The following KIF4A variants were observed in gnomAD, a reference collection of about 807,000 sequenced individuals.
KIF4A encodes chromosome-associated kinesin KIF4A.
A neutral mutation model predicts 105.9 loss-of-function variants in KIF4A; 7 were observed. That is an observed-to-expected ratio of 0.07 (90% CI 0.04 to 0.12). The LOEUF is 0.12. Among genes scored for constraint, KIF4A ranks in the 10% least tolerant of loss-of-function variants. The probability of loss-of-function intolerance (pLI) is 1.00; values close to 1 mark genes in which losing one functional copy is unlikely to be tolerated. For missense variants in KIF4A, 558 were observed against 929.2 expected (o/e 0.60, Z 5.19); for synonymous variants, 281 against 331.3 (o/e 0.85, Z 1.65).
intron 20 of KIF4A, among the ~76,000 whole-genome samples, chrX:70,394,984 A>T (rs2086253743): frequency 8.9e-6 from 1 of 112,589 alleles, no homozygotes; most frequent in Non-Finnish European, 1.9e-5. Context: ...GGTGGCTCAC[A>T]CCTGTAATCC....
chrX:70,296,112 G>T (rs1279209065), intron 3 of KIF4A, among the ~76,000 whole-genome samples: 3 of 86,324 alleles, frequency 3.5e-5, no homozygotes, highest in African/African-American at 4.4e-5. Flanking sequence ...TTGAGACAGG[G>T]TCTGCTCTGT....
intron 15 of KIF4A, among the ~76,000 whole-genome samples, chrX:70,371,342 C>T (rs1301695202): frequency 9.1e-6 from 1 of 109,658 alleles, no homozygotes; most frequent in Non-Finnish European, 1.9e-5. Flanking sequence ...TTTCTTAGTA[C>T]AGAACAAAAT....
rs770472140 is a variant in KIF4A, at chrX:70,327,769, G to A, written c.779-1636G>A. 2.7e-5 allele frequency among the ~76,000 whole-genome samples: 3 copies of A among 112,166 alleles called. No homozygotes were observed. In the East Asian group the frequency reaches 8.4e-4, roughly 31 times the overall value. On this transcript the variant is annotated intron_variant, in intron 7 of 30. Transcript: ENST00000374403. Reference sequence around the variant, plus strand: ...AGCATGTTTATAGTGGATCTCATCTGTTTGGTTATGCTGTTTCTTCAGTAT... The same window carrying A: ...AGCATGTTTATAGTGGATCTCATCTATTTGGTTATGCTGTTTCTTCAGTAT...
At chrX:70,392,281 C>T (rs1249294253) in intron 20 of KIF4A, among the ~76,000 whole-genome samples, 1 of 111,834 alleles carries the variant, frequency 8.9e-6, no homozygotes, top group Non-Finnish European at 1.9e-5. Flanking sequence ...GGAAAGCCAT[C>T]TGTGGCTGGA....
intron 18 of KIF4A, among the ~76,000 whole-genome samples, chrX:70,384,375 TAGG>T (rs1219255640): frequency 1.8e-5 from 2 of 111,721 alleles, no homozygotes; most frequent in Non-Finnish European, 3.8e-5. Flanking sequence ...AAGTTGGTTT[TAGG>T]AGAATAATCT....
chrX:70,326,893 GAAGA>G (rs1360827371), intron 7 of KIF4A, among the ~76,000 whole-genome samples: 1 of 111,752 alleles, frequency 8.9e-6, no homozygotes, highest in Non-Finnish European at 1.9e-5. Context: ...ATTTGAAGAA[GAAGA>G]AAAAAAATGC....
chrX:70,404,671 C>CA, intron 24 of KIF4A, 44 bp from the exon 25 acceptor site: 1 of 1,003,164 alleles, frequency 1.0e-6, no homozygotes, highest in Non-Finnish European at 1.4e-6. Context: ...TCTTTTTCCC[C>CA]TTGGTACCTT....
intron 18 of KIF4A, 135 bp from the exon 19 acceptor site, chrX:70,386,483 T>G (rs902642252): frequency 2.2e-6 from 1 of 463,920 alleles, no homozygotes; most frequent in Non-Finnish European, 3.7e-6. Flanking sequence ...TTTTGACTCA[T>G]ATGAGAAGAT....
rs2085953469 is a variant in KIF4A, at chrX:70,337,135, T to C, written c.1133+3446T>C. On this transcript the variant is annotated intron_variant, in intron 10 of 30. Coordinates refer to ENST00000374403, the MANE Select transcript of KIF4A (RefSeq NM_012310.5). ...TGTATTTTGTGTATCCATTCATCCA[T>C]TGATGGACACTTGGACTGCTTCCAT... 2.7e-5 allele frequency among the ~76,000 whole-genome samples: 3 copies of C among 112,200 alleles called. No individual in the cohort carries two copies. The South Asian group carries it at 1.1e-3, about 42-fold the overall frequency.
chrX:70,297,716 T>G (rs1602737629), intron 4 of KIF4A, among the ~76,000 whole-genome samples: 1 of 111,747 alleles, frequency 8.9e-6, no homozygotes, highest in African/African-American at 3.3e-5. Context: ...TTATGGGAGT[T>G]TGTGTTCTAG....
intron 15 of KIF4A, among the ~76,000 whole-genome samples, chrX:70,370,945 A>AG (rs2086129249): frequency 9.2e-6 from 1 of 108,483 alleles, no homozygotes; most frequent in Admixed American, 9.9e-5. Flanking sequence ...CAAAAAAAAA[A>AG]AAAAAAAAGC....
At chrX:70,319,844 T>C (rs991772969) in intron 7 of KIF4A, among the ~76,000 whole-genome samples, 1 of 111,895 alleles carries the variant, frequency 8.9e-6, no homozygotes, top group Non-Finnish European at 1.9e-5. Flanking sequence ...TTCTTTAATA[T>C]TGATTTTGTA....
chrX:70,390,936 C>T (rs1252216739), intron 20 of KIF4A, among the ~76,000 whole-genome samples: 1 of 111,863 alleles, frequency 8.9e-6, no homozygotes, highest in Non-Finnish European at 1.9e-5. Flanking sequence ...CTGTAGTTTG[C>T]GTGTTTTTGT....
At chrX:70,342,754 G>A (rs1461195967) in intron 11 of KIF4A, among the ~76,000 whole-genome samples, 1 of 112,004 alleles carries the variant, frequency 8.9e-6, no homozygotes, top group East Asian at 2.8e-4. Flanking sequence ...GGATATAGGG[G>A]ATTTTTATAT....
chrX:70,316,279 G>A lies in KIF4A; in HGVS notation c.779-13126G>A, dbSNP rs186557348. Among the ~76,000 whole-genome samples the A allele has an allele frequency of 4.5e-5, 5 of 111,711 alleles. No individual in the cohort carries two copies. The East Asian group carries it at 1.1e-3, about 25-fold the overall frequency. The stretch of plus-strand genomic sequence containing the variant: ...GTCACTTTCATTTCTGTAGTTATTA[G>A]TGAAGTTGAACATACTTTTATATTT... On this transcript the variant is annotated intron_variant, in intron 7 of 30. Coordinates refer to ENST00000374403, the MANE Select transcript of KIF4A (RefSeq NM_012310.5).
At chrX:70,408,034 C>T (rs2086307308) in intron 28 of KIF4A, among the ~76,000 whole-genome samples, 1 of 108,676 alleles carries the variant, frequency 9.2e-6, no homozygotes, top group Non-Finnish European at 1.9e-5. Context: ...TGCCGTTGCA[C>T]TCCAGCCTGG....
intron 15 of KIF4A, chrX:70,362,335 G>A: frequency 3.3e-6 from 1 of 305,097 alleles, no homozygotes; most frequent in South Asian, 3.8e-5. Context: ...ATGTAGAGAG[G>A]GTAATTCTCC....
intron 7 of KIF4A, among the ~76,000 whole-genome samples, chrX:70,315,184 C>A (rs1234215498): frequency 2.7e-5 from 3 of 111,554 alleles, no homozygotes; most frequent in Non-Finnish European, 3.8e-5. Flanking sequence ...TCTGTTCTAA[C>A]AGGTTTTGTT....
At chrX:70,372,526 G>C (rs750404139) in intron 15 of KIF4A, among the ~76,000 whole-genome samples, 91 of 114,381 alleles carry the variant, frequency 8.0e-4, no homozygotes, top group African/African-American at 2.9e-3. Flanking sequence ...GCCTGCAATC[G>C]CAGGCACTAG....
Sources: gnomAD v4.1 joint callset for allele counts (sites outside exome capture counted in the v4.1 genomes callset) on GRCh38, gnomAD v4.1.1 for gene constraint, MANE v1.5 for transcripts, NCBI Gene and HGNC (gene_info 2026-07-23, HGNC 2026-07-21) for gene names.